TFEC: variants seen among roughly 807,000 people sequenced by gnomAD.
TFEC encodes transcription factor EC.
A neutral mutation model predicts 41.6 loss-of-function variants in TFEC; 31 were observed. That is an observed-to-expected ratio of 0.74 (90% CI 0.56 to 1.01). The LOEUF is 1.01. Among genes scored for constraint, TFEC ranks in the 50% least tolerant of loss-of-function variants. The probability of loss-of-function intolerance (pLI) is 0.00; values close to 1 mark genes in which losing one functional copy is unlikely to be tolerated. For synonymous variants in TFEC, 143 were observed against 140.6 expected, an observed-to-expected ratio of 1.02 and a Z score of -0.12; for missense variants, 402 against 404.1, an observed-to-expected ratio of 0.99 and a Z score of 0.04.
chr7:116,129,706 C>T (rs1409635203), intron 1 of TFEC, among the ~76,000 whole-genome samples: 1 of 150,780 alleles, frequency 6.6e-6, no homozygotes, highest in East Asian at 2.0e-4. Flanking sequence ...AATTCTCCTG[C>T]CTCAGCCTCC....
rs182920202 is a variant in TFEC at position 115,960,373 on chromosome 7, C to T, written c.268-3580G>A. ...CTTAAGAAAGTTTATCCCATAAAGA[C>T]TAACACTGGAAAAAGTTGGGGTGAA... On this transcript the variant is annotated intron_variant, in intron 3 of 7. Coordinates refer to ENST00000265440, the MANE Select transcript of TFEC (RefSeq NM_012252.4). Among the ~76,000 whole-genome samples the T allele has an allele frequency of 4.0e-3, 600 of 151,656 alleles. 8 individuals carry two copies. Among genetic ancestry groups the T allele is most frequent in the Non-Finnish European group, 5.5e-3 (374 of 67,720 alleles).
chr7:116,102,994 C>T (rs1797637473), intron 3 of TFEC, among the ~76,000 whole-genome samples: 1 of 152,228 alleles, frequency 6.6e-6, no homozygotes, highest in African/African-American at 2.4e-5. Context: ...TAAGCACCTA[C>T]TGTGCTCTAG....
chr7:116,118,505 C>CTAATGGGGAAAT (rs1349867380), intron 1 of TFEC, among the ~76,000 whole-genome samples: 21 of 151,784 alleles, frequency 1.4e-4, no homozygotes, highest in Middle Eastern at 6.8e-3. Flanking sequence ...GCATCTTTTC[C>CTAATGGGGAAAT]TAATGGGGAA....
intron 6 of TFEC, 149 bp from the exon 7 acceptor site, chr7:115,942,189 T>C (rs1793542075): frequency 1.3e-6 from 1 of 768,346 alleles, no homozygotes; most frequent in South Asian, 3.9e-5. Context: ...GAAATTTTAA[T>C]AGAATAGTTA....
At chr7:116,130,605 A>G (rs59540944) in intron 1 of TFEC, among the ~76,000 whole-genome samples, 1 of 151,920 alleles carries the variant, frequency 6.6e-6, no homozygotes, top group East Asian at 1.9e-4. Context: ...TATTCTGCAC[A>G]ATATTTCTTT....
At chr7:116,071,349 TA>T (rs538310144) in intron 3 of TFEC, among the ~76,000 whole-genome samples, 236 of 142,040 alleles carry the variant, frequency 1.7e-3, no homozygotes, top group Middle Eastern at 3.6e-3. Flanking sequence ...ATACTAGAGT[TA>T]AAAAAAAAAA....
intron 1 of TFEC, among the ~76,000 whole-genome samples, chr7:116,017,137 T>C (rs547964924): frequency 1.3e-5 from 2 of 152,314 alleles, no homozygotes; most frequent in Admixed American, 6.5e-5. Flanking sequence ...CCAATCATTC[T>C]TCTTACAGCC....
intron 1 of TFEC, among the ~76,000 whole-genome samples, chr7:116,158,437 C>G (rs528958170): frequency 6.6e-6 from 1 of 152,184 alleles, no homozygotes; most frequent in South Asian, 2.1e-4. Flanking sequence ...AGCATGAATT[C>G]CCTCTTCTTG....
intron 1 of TFEC, among the ~76,000 whole-genome samples, chr7:116,141,522 C>T (rs991263411): frequency 6.6e-6 from 1 of 152,196 alleles, no homozygotes; most frequent in Non-Finnish European, 1.5e-5. Context: ...GTAAAACAGA[C>T]AGAGTCCCTT....
chr7:116,075,576 A>G (rs1796939402), intron 3 of TFEC, among the ~76,000 whole-genome samples: 1 of 152,152 alleles, frequency 6.6e-6, no homozygotes, highest in African/African-American at 2.4e-5. Flanking sequence ...TAAGACTGCC[A>G]TCTGTGTGGG....
intron 3 of TFEC, among the ~76,000 whole-genome samples, chr7:116,100,793 G>T (rs897764817): frequency 7.2e-5 from 11 of 152,066 alleles, no homozygotes; most frequent in African/African-American, 2.7e-4. Flanking sequence ...ACAAATAATT[G>T]CTTGGCACTT....
At chr7:116,083,897 C>T (rs1247940437) in intron 3 of TFEC, among the ~76,000 whole-genome samples, 1 of 151,846 alleles carries the variant, frequency 6.6e-6, no homozygotes, top group Non-Finnish European at 1.5e-5. Flanking sequence ...CAGCTAAAAC[C>T]TGTTGATAAT....
intron 3 of TFEC, among the ~76,000 whole-genome samples, chr7:116,046,866 C>A (rs1796177935): frequency 6.6e-6 from 1 of 152,144 alleles, no homozygotes; most frequent in East Asian, 1.9e-4. Context: ...AAATGATTCC[C>A]ATATTCTCTC....
intron 3 of TFEC, among the ~76,000 whole-genome samples, chr7:116,074,302 C>T (rs1796903653): frequency 6.6e-6 from 1 of 151,352 alleles, no homozygotes; most frequent in African/African-American, 2.4e-5. Context: ...CAAAGAACAC[C>T]AACAAGAATT....
At chr7:116,156,630 AT>A (rs1204847310) in intron 1 of TFEC, among the ~76,000 whole-genome samples, 2 of 152,114 alleles carry the variant, frequency 1.3e-5, no homozygotes, top group African/African-American at 4.8e-5. Context: ...ATTCTTTAGA[AT>A]TTCTACTTGA....
chr7:116,111,670 G>A (rs541853153), intron 2 of TFEC, among the ~76,000 whole-genome samples: 1 of 152,068 alleles, frequency 6.6e-6, no homozygotes, highest in South Asian at 2.1e-4. Flanking sequence ...GGACCTAAAT[G>A]TCTTGCTAAT....
At chr7:115,969,794 T>C (rs10253192) in intron 3 of TFEC, among the ~76,000 whole-genome samples, 129,259 of 151,872 alleles carry the variant, frequency 0.85, 55,146 homozygotes, top group Non-Finnish European at 0.89. Context: ...ATGATGGAAC[T>C]TGTTTTACAA....
At chr7:116,100,887 G>T (rs1194258506) in intron 3 of TFEC, among the ~76,000 whole-genome samples, 5 of 152,004 alleles carry the variant, frequency 3.3e-5, no homozygotes. Context: ...GAAAGAGCAA[G>T]AGCACACTGA....
intron 1 of TFEC, among the ~76,000 whole-genome samples, chr7:116,027,397 A>G (rs1313071383): frequency 1.3e-5 from 2 of 152,110 alleles, no homozygotes; most frequent in South Asian, 2.1e-4. Context: ...CCTGGGCAAC[A>G]TGGCGAGACC....
Sources: gnomAD v4.1 joint callset for allele counts (sites outside exome capture counted in the v4.1 genomes callset) on GRCh38, gnomAD v4.1.1 for gene constraint, MANE v1.5 for transcripts, NCBI Gene and HGNC (gene_info 2026-07-23, HGNC 2026-07-21) for gene names.